Variants in ECPAS observed in about 807,000 individuals in gnomAD.
ECPAS encodes the protein Ecm29 proteasome adaptor and scaffold, also known as proteasome adapter and scaffold protein ECM29.
In ECPAS, 70 loss-of-function variants were observed where a neutral mutation model predicts 255.1. The observed-to-expected ratio is 0.27, with a 90% CI of 0.23 to 0.33. The LOEUF (loss-of-function observed/expected upper bound fraction) is 0.33, where lower values mean the gene tolerates loss of function less well. Among genes scored for constraint, ECPAS ranks in the 10% least tolerant of loss-of-function variants. ECPAS has a pLI of 1.00. For synonymous variants in ECPAS, 784 were observed against 775.0 expected (o/e 1.01, Z -0.19); for missense variants, 1,817 against 2,206.4 (o/e 0.82, Z 3.54).
rs1246090961 is a variant in ECPAS at position 111,407,327 on chromosome 9, G to A, written c.2652+1244C>T. ...TGACGAAGGAGAATCGCTTGAACCC[G>A]GGAGGTGGAGGTTGCAGTGAGCCAA... is the stretch of plus-strand genomic sequence containing the variant. On this transcript the variant is annotated intron_variant, in intron 24 of 49. Transcript: ENST00000684092. Among the ~76,000 whole-genome samples, 14 of 139,286 alleles carry A rather than the reference G, an allele frequency of 1.0e-4. 1 individual carries two copies. The highest frequency in any genetic ancestry group is 2.9e-4 in the African/African-American group (10 of 34,954). The allele number at this position is 139,286 out of a possible 152,430, so 91.4% of individuals were successfully genotyped here.
intron 2 of ECPAS, among the ~76,000 whole-genome samples, chr9:111,452,669 T>C (rs562270646): frequency 6.6e-6 from 1 of 152,290 alleles, no homozygotes; most frequent in South Asian, 2.1e-4. Context: ...ATAGATTAGA[T>C]AGACATAGAT....
chr9:111,434,641 G>A (rs1408497963), intron 7 of ECPAS, among the ~76,000 whole-genome samples: 1 of 146,702 alleles, frequency 6.8e-6, no homozygotes, highest in Non-Finnish European at 1.5e-5. Flanking sequence ...CCAGGCTGGA[G>A]TGCAGTGGTG....
intron 1 of ECPAS, among the ~76,000 whole-genome samples, chr9:111,479,031 C>T (rs896516082): frequency 6.6e-6 from 1 of 152,164 alleles, no homozygotes; most frequent in African/African-American, 2.4e-5. Flanking sequence ...TCAAGGATGG[C>T]TGTGAGTGCA....
At chr9:111,409,181 G>T (rs1250991124) in intron 23 of ECPAS, among the ~76,000 whole-genome samples, 1 of 152,162 alleles carries the variant, frequency 6.6e-6, no homozygotes, top group Non-Finnish European at 1.5e-5. Context: ...AACAATGTTT[G>T]GCAATGATTA....
At chr9:111,368,798 AT>A (rs1337658428) in intron 46 of ECPAS, among the ~76,000 whole-genome samples, 5 of 152,182 alleles carry the variant, frequency 3.3e-5, no homozygotes, top group African/African-American at 1.2e-4. Flanking sequence ...GAGAAAATAA[AT>A]TTCTGCTAAG....
rs2098123975 is a variant in ECPAS at position 111,368,925 on chromosome 9, C to A, written c.5113+110G>T. The A allele has an allele frequency of 1.4e-5, 15 of 1,063,782 alleles. No individual in the cohort carries two copies. In the South Asian group the frequency reaches 2.6e-4, roughly 19 times the overall value. The allele number at this position is 1,063,782 out of a possible 1,614,324, so 65.9% of individuals were successfully genotyped here. On this transcript the variant is annotated intron_variant, in intron 46 of 49. Transcript: ENST00000684092. ...TCACTGGATAATTCTCATTATTAATCAATCAGGCTCGATAAGAAACAATAA... is the reference window on the plus strand; with the variant it reads ...TCACTGGATAATTCTCATTATTAATAAATCAGGCTCGATAAGAAACAATAA...
At chr9:111,383,478 GAGATCGGAGATTGAGT>G in intron 34 of ECPAS, 146 bp from the exon 35 acceptor site, 1 of 1,156,264 alleles carries the variant, frequency 8.6e-7, no homozygotes. Flanking sequence ...ACAGAGGAAT[GAGATCGGAGATTGAGT>G]CCTAGGTCTG....
chr9:111,398,271 GCAA>G (rs1309547320), intron 24 of ECPAS, among the ~76,000 whole-genome samples: 1 of 152,030 alleles, frequency 6.6e-6, no homozygotes, highest in African/African-American at 2.4e-5. Context: ...GCTTCTCTTG[GCAA>G]CTTCAAGCTG....
Position 111,385,339 on chromosome 9 carries a change from T to G in ECPAS, c.3631A>C (p.Lys1211Gln). The G allele has an allele frequency of 2.9e-6, 4 of 1,390,022 alleles. No individual in the cohort carries two copies. The highest frequency in any genetic ancestry group is 4.0e-6 in the Non-Finnish European group (4 of 1,000,288). The allele number at this position is 1,390,022 out of a possible 1,614,324, so 86.1% of individuals were successfully genotyped here. A position where few individuals can be genotyped will look rare whatever the true frequency, so the allele number is the denominator to read the frequency against. Reference sequence around the variant, plus strand: ...ATGCTGATTTATTTCTATAATACCTTGATATCATCTTGTACTCTAAAAAGC... The same window carrying G: ...ATGCTGATTTATTTCTATAATACCTGGATATCATCTTGTACTCTAAAAAGC... ...ETLFRVQDDI[K>Q]ESVRKAAELA... The change falls in exon 33 of 50, where the codon AAG becomes CAG. Residue 1211 changes from lysine (K) to glutamine (Q), a missense_variant and splice_region_variant. By Grantham distance (53) the Lys-to-Gln change is moderately conservative. This residue lies in a region of ECPAS where 960 missense variants were observed against 1,179.0 expected (regional missense o/e 0.81). Coordinates refer to ENST00000684092, the MANE Select transcript of ECPAS (RefSeq NM_001364929.1).
chr9:111,379,206 T>A (rs1338683219), intron 35 of ECPAS, among the ~76,000 whole-genome samples: 8 of 152,216 alleles, frequency 5.3e-5, no homozygotes, highest in African/African-American at 1.9e-4. Flanking sequence ...GACCACAATG[T>A]CCAGCAGTAG....
chr9:111,415,150 A>G (rs2098201255), intron 18 of ECPAS, among the ~76,000 whole-genome samples: 1 of 152,150 alleles, frequency 6.6e-6, no homozygotes, highest in Non-Finnish European at 1.5e-5. Flanking sequence ...ATTTACCTAT[A>G]TAACAAACCT....
At chr9:111,386,526 C>T in intron 31 of ECPAS, 70 bp from the exon 32 acceptor site, 1 of 898,848 alleles carries the variant, frequency 1.1e-6, no homozygotes, top group Admixed American at 2.2e-5. Flanking sequence ...AACTCTTAAC[C>T]ACACTGGTTA....
chr9:111,484,025 G>A (rs1442389210), intron 1 of ECPAS, 91 bp downstream of exon 1: 1 of 1,042,326 alleles, frequency 9.6e-7, no homozygotes, highest in Non-Finnish European at 1.1e-6. Flanking sequence ...GCGCGGACTC[G>A]ACACGCGGCG....
intron 10 of ECPAS, among the ~76,000 whole-genome samples, chr9:111,426,792 C>T (rs2098222294): frequency 6.6e-6 from 1 of 151,760 alleles, no homozygotes; most frequent in Admixed American, 6.6e-5. Flanking sequence ...CATAGTGAAA[C>T]TCCATCTGTA....
At chr9:111,397,617 G>A (rs1161230923) in intron 24 of ECPAS, among the ~76,000 whole-genome samples, 2 of 152,094 alleles carry the variant, frequency 1.3e-5, no homozygotes, top group Admixed American at 6.5e-5. Context: ...ATTAAATGAG[G>A]TTAATGTACA....
intron 1 of ECPAS, chr9:111,483,546 T>G: frequency 1.3e-6 from 1 of 796,792 alleles, no homozygotes; most frequent in South Asian, 5.8e-5. Flanking sequence ...GCAGCCATGT[T>G]GCGCCGGGGA....
At chr9:111,373,103 T>C (rs2098129350) in intron 41 of ECPAS, 67 bp downstream of exon 41, 2 of 1,201,542 alleles carry the variant, frequency 1.7e-6, no homozygotes, top group South Asian at 2.5e-5. Context: ...AAGACCTAAT[T>C]TGTACTGTTT....
chr9:111,366,868 A>C (rs2098120986), intron 46 of ECPAS, among the ~76,000 whole-genome samples: 2 of 152,216 alleles, frequency 1.3e-5, no homozygotes, highest in Non-Finnish European at 2.9e-5. Flanking sequence ...ATCCCCAAAC[A>C]AATTTCCTTG....
chr9:111,423,236 G>T lies in ECPAS; in HGVS notation c.1228C>A (p.Leu410Met). Residue 410 changes from leucine to methionine, a missense_variant, in exon 13 of 50, where the codon CTG (leucine) becomes ATG (methionine). Around this residue, in one of 4 missense-constraint regions of ECPAS, gnomAD observed 573 missense variants for 716.2 expected, o/e 0.80. Transcript: ENST00000684092. The part of the protein sequence containing the change: ...INEYKEDPKL[L>M]SMAYSAVGKL... ...CCAACAGCTGAATATGCCATTGACA[G>T]TAGTTTAGGGTCCTTGAAATTAAAA... 6.4e-7 allele frequency: 1 copy of T among 1,555,874 alleles called. No homozygotes were observed. The highest frequency in any genetic ancestry group is 8.7e-7 in the Non-Finnish European group (1 of 1,148,020).
Sources: gnomAD v4.1 joint callset for allele counts (sites outside exome capture counted in the v4.1 genomes callset) on GRCh38, gnomAD v4.1.1 for gene constraint, gnomAD v4.1.1 regional missense constraint, MANE v1.5 for transcripts, NCBI Gene and HGNC (gene_info 2026-07-23, HGNC 2026-07-21) for gene names.